The following TBXAS1 variants were observed in gnomAD, a reference collection of about 807,000 sequenced individuals.
TBXAS1 encodes the protein thromboxane-A synthase.
In TBXAS1, 48 loss-of-function variants were observed where a neutral mutation model predicts 60.7. The observed-to-expected ratio is 0.79, with a 90% CI of 0.63 to 1.01. The LOEUF (loss-of-function observed/expected upper bound fraction) is 1.01, where lower values mean the gene tolerates loss of function less well. TBXAS1 is among the 50% of genes least tolerant of loss of function. TBXAS1 has a pLI of 0.00. For missense variants in TBXAS1, 685 were observed against 686.3 expected (o/e 1.00, Z 0.02); for synonymous variants, 287 against 269.7 (o/e 1.06, Z -0.63).
chr7:139,942,471 T>C (rs1808367487), intron 5 of TBXAS1, among the ~76,000 whole-genome samples: 1 of 152,154 alleles, frequency 6.6e-6, no homozygotes, highest in African/African-American at 2.4e-5. Context: ...AGTTTTTGAG[T>C]GCCTCTAGCA....
chr7:140,016,469 C>T (rs1273605460), intron 11 of TBXAS1: 1 of 266,952 alleles, frequency 3.7e-6, no homozygotes, highest in African/African-American at 2.3e-5. Context: ...TGATTGTCTT[C>T]CATTCATTCA....
chr7:139,778,640 C>T lies in TBXAS1; in HGVS notation c.-318+169C>T, dbSNP rs1796866232. ...GTGGTCGCTGGGTTCCTGCCGGAGT[C>T]TGGCTTCCACGCCACCCTGATCTTC... On this transcript the variant is annotated intron_variant, in intron 1 of 16. Transcript: ENST00000336425. The surrounding 1 kb of genome is among the most constrained non-coding windows in gnomAD (Gnocchi z 4.8). Among the ~76,000 whole-genome samples the T allele has an allele frequency of 6.6e-6, 1 of 152,140 alleles. No homozygotes were observed. Among genetic ancestry groups the T allele is most frequent in the South Asian group, 2.1e-4 (1 of 4,820 alleles).
rs116842570 is a variant in TBXAS1, at chr7:139,810,720, A to G, written c.-79-18592A>G. Among the ~76,000 whole-genome samples, 71 of 152,314 alleles carry G rather than the reference A, an allele frequency of 4.7e-4. 1 individual carries two copies. The East Asian group carries it at 0.012, about 25-fold the overall frequency. On this transcript the variant is annotated intron_variant, in intron 4 of 16. Coordinates refer to the TBXAS1 transcript ENST00000336425. ...GCAGTGCACGCTCTGGGATTATTTT[A>G]TACTTCACTAGGATGACTTATTTAT...
chr7:139,842,435 A>C (rs1054150505), intron 1 of TBXAS1, among the ~76,000 whole-genome samples: 3 of 152,296 alleles, frequency 2.0e-5, no homozygotes, highest in African/African-American at 7.2e-5. Context: ...CAACAAACCT[A>C]ACAACTATCG....
At chr7:139,953,327 C>CG (rs1569518647) in intron 5 of TBXAS1, 41 bp from the exon 6 acceptor site, 1 of 1,551,822 alleles carries the variant, frequency 6.4e-7, no homozygotes, top group Non-Finnish European at 8.9e-7. Flanking sequence ...GGTGTACTCC[C>CG]GGCATGGTGC....
chr7:139,912,087 G>A (rs1024940255), intron 4 of TBXAS1, among the ~76,000 whole-genome samples: 2 of 151,984 alleles, frequency 1.3e-5, no homozygotes, highest in Non-Finnish European at 2.9e-5. Context: ...AAAATTAGCC[G>A]GGTGTGGTGG....
At chr7:139,805,274 T>C (rs943914236) in intron 4 of TBXAS1, among the ~76,000 whole-genome samples, 4 of 152,268 alleles carry the variant, frequency 2.6e-5, no homozygotes, top group African/African-American at 9.6e-5. Context: ...ATGAGGAAAC[T>C]GAGGGCTCAG....
At chr7:139,920,910 T>G (rs1806418233) in intron 4 of TBXAS1, among the ~76,000 whole-genome samples, 1 of 152,112 alleles carries the variant, frequency 6.6e-6, no homozygotes, top group Non-Finnish European at 1.5e-5. Flanking sequence ...TCAATGAAGG[T>G]TCCCAGATCT....
chr7:139,934,534 C>T (rs546367141), intron 4 of TBXAS1, among the ~76,000 whole-genome samples: 7 of 152,274 alleles, frequency 4.6e-5, no homozygotes, highest in African/African-American at 1.4e-4. Context: ...TCTTGAACCC[C>T]GTATTAGTTT....
chr7:139,985,096 G>A (rs1351693674), intron 9 of TBXAS1, among the ~76,000 whole-genome samples: 1 of 152,138 alleles, frequency 6.6e-6, no homozygotes, highest in East Asian at 1.9e-4. Context: ...CAGGAGCGAG[G>A]GGCTCACCTC....
At chr7:139,992,037 C>A (rs1018898679) in intron 9 of TBXAS1, among the ~76,000 whole-genome samples, 11 of 152,138 alleles carry the variant, frequency 7.2e-5, no homozygotes, top group African/African-American at 2.7e-4. Flanking sequence ...CCTTTCTCTC[C>A]CCCAACGCCC....
At position 139,893,086 on chromosome 7, in the gene TBXAS1, T is replaced by G. The variant is rs189553761; in HGVS notation, c.236+17449T>G. Among the ~76,000 whole-genome samples, 4 of 152,290 alleles carry G rather than the reference T, an allele frequency of 2.6e-5. No individual in the cohort carries two copies. The East Asian group carries it at 7.7e-4, about 29-fold the overall frequency. Reference sequence around the variant, plus strand: ...TCTCCCACTGTGTCTGAAATTCTTTTGCCATTAAATTTTCTCTTCTTTCAG... The same window carrying G: ...TCTCCCACTGTGTCTGAAATTCTTTGGCCATTAAATTTTCTCTTCTTTCAG... On this transcript the variant is annotated intron_variant, in intron 3 of 12. Transcript: ENST00000448866.
chr7:139,936,375 G>A, intron 5 of TBXAS1, 68 bp downstream of exon 5: 1 of 1,489,562 alleles, frequency 6.7e-7, no homozygotes, highest in Non-Finnish European at 9.3e-7. Flanking sequence ...ATCGTGATGA[G>A]AGCCAGTTCA....
chr7:139,818,597 C>A (rs1247837175), intron 4 of TBXAS1, among the ~76,000 whole-genome samples: 2 of 152,188 alleles, frequency 1.3e-5, no homozygotes, highest in African/African-American at 4.8e-5. Flanking sequence ...TTGGAGGCAG[C>A]TGCTGCCAAA....
At chr7:139,902,064 AC>A (rs201450239) in intron 3 of TBXAS1, among the ~76,000 whole-genome samples, 672 of 1,456 alleles carry the variant, frequency 0.46, 17 homozygotes, top group East Asian at 0.51. Flanking sequence ...CGTTATCAAA[AC>A]CAGGGAGAAT....
chr7:139,949,199 T>G (rs148709434), intron 5 of TBXAS1, among the ~76,000 whole-genome samples: 8 of 152,230 alleles, frequency 5.3e-5, no homozygotes, highest in African/African-American at 1.9e-4. Flanking sequence ...CCCCTCTTTA[T>G]ACACAGGGCA....
At position 139,986,053 on chromosome 7, in the gene TBXAS1, G is replaced by A. The variant is rs889848120; in HGVS notation, c.1135-21038G>A. ...AAACAAAGTGTTGGCCAGGCCCACC[G>A]GAACAGCGGCCCACCTAAACAGGCT... On this transcript the variant is annotated intron_variant, in intron 9 of 12. Coordinates refer to ENST00000448866, the MANE Select transcript of TBXAS1 (RefSeq NM_001061.7). Among the ~76,000 whole-genome samples, 11 of 152,228 alleles carry A rather than the reference G, an allele frequency of 7.2e-5. No homozygotes were observed. In the East Asian group the frequency reaches 7.7e-4, roughly 11 times the overall value.
chr7:139,898,181 G>A lies in TBXAS1; in HGVS notation c.237-13044G>A, dbSNP rs190535700. On this transcript the variant is annotated intron_variant, in intron 3 of 12. Coordinates refer to ENST00000448866, the MANE Select transcript of TBXAS1 (RefSeq NM_001061.7). ...ACTCACAACTGTGATCTGCAGTAGC[G>A]TCTACCCCTTTCCTCACTGAGCCTC... Among the ~76,000 whole-genome samples, 8 of 152,286 alleles carry A rather than the reference G, an allele frequency of 5.3e-5. No homozygotes were observed. In the East Asian group the frequency reaches 1.4e-3, roughly 26 times the overall value.
intron 3 of TBXAS1, among the ~76,000 whole-genome samples, chr7:139,876,640 T>C (rs1185069783): frequency 6.6e-6 from 1 of 152,098 alleles, no homozygotes; most frequent in Admixed American, 6.5e-5. Context: ...TTTATGGAAA[T>C]GGCCCCTCCT....
Sources: gnomAD v4.1 joint callset for allele counts (sites outside exome capture counted in the v4.1 genomes callset) on GRCh38, gnomAD v4.1.1 for gene constraint, Gnocchi (gnomAD v3.1) non-coding constraint, MANE v1.5 for transcripts, NCBI Gene and HGNC (gene_info 2026-07-23, HGNC 2026-07-21) for gene names.